Variants in DACH1 observed in about 807,000 individuals in gnomAD.
DACH1 encodes dachshund family transcription factor 1.
In DACH1, 12 loss-of-function variants were observed where a neutral mutation model predicts 54.2. The observed-to-expected ratio is 0.22, with a 90% CI of 0.14 to 0.36. The LOEUF (loss-of-function observed/expected upper bound fraction) is 0.36, where lower values mean the gene tolerates loss of function less well. DACH1 is among the 10% of genes least tolerant of loss of function. The pLI is 1.00. For synonymous variants in DACH1, 386 were observed against 366.2 expected (o/e 1.05, Z -0.62); for missense variants, 805 against 929.8 (o/e 0.87, Z 1.75).
rs1566180807 is a variant in DACH1 at position 71,866,508 on chromosome 13, T to C, written c.262A>G (p.Ser88Gly). The C allele has an allele frequency of 1.2e-5, 15 of 1,213,394 alleles. No individual in the cohort carries two copies. The highest frequency in any genetic ancestry group is 7.5e-5 in the South Asian group (2 of 26,582). The allele number at this position is 1,213,394 out of a possible 1,614,324, so 75.2% of individuals were successfully genotyped here. Reference protein sequence around the residue: ...GGGGSGGGGGSSGNGGGGGGG... With the variant: ...GGGGSGGGGGGSGNGGGGGGG... ...CCACCGCCGCCTCCGTTGCCGCTGC[T>C]GCCGCCGCCGCCTCCGCTGCCGCCG... The change falls in exon 1 of 11, where the codon AGC (serine) becomes GGC (glycine). Residue 88 changes from serine (S) to glycine (G), a missense_variant. Physicochemically the swap from Ser to Gly is moderately conservative, Grantham distance 56. Around this residue, in one of 3 missense-constraint regions of DACH1, gnomAD observed 305 missense variants for 308.7 expected, o/e 0.99. Transcript: ENST00000613252.
chr13:71,447,169 C>G (rs190225052), intron 10 of DACH1, among the ~76,000 whole-genome samples: 1 of 152,062 alleles, frequency 6.6e-6, no homozygotes, highest in African/African-American at 2.4e-5. Flanking sequence ...CTGTTTGTTA[C>G]TATGCAGATT....
In DACH1 at chr13:71,529,183, G is replaced by GTTTTTTTTTTGTTTGTTTTTTTTTTTTTT. The variant is rs1299574030; in HGVS notation, c.1570+27840_1570+27841insAAAAAAAAAAAAAACAAACAAAAAAAAAA. Among the ~76,000 whole-genome samples, 62 of 80,980 alleles carry GTTTTTTTTTTGTTTGTTTTTTTTTTTTTT rather than the reference G, an allele frequency of 7.7e-4. 2 individuals carry two copies. The highest frequency in any genetic ancestry group is 2.5e-3 in the African/African-American group (57 of 22,894). The allele number at this position is 80,980 out of a possible 152,430, so 53.1% of individuals were successfully genotyped here. A position where few individuals can be genotyped will look rare whatever the true frequency, so the allele number is the denominator to read the frequency against. On this transcript the variant is annotated intron_variant, in intron 6 of 10. Transcript: ENST00000613252. ...TACATCAAACAATATTGTGATTTGG[G>GTTTTTTTTTTGTTTGTTTTTTTTTTTTTT]TTTTTTTTTTTTTTTTTTTTTGAGG...
At chr13:71,583,758 C>G (rs1873025155) in intron 3 of DACH1, among the ~76,000 whole-genome samples, 1 of 152,056 alleles carries the variant, frequency 6.6e-6, no homozygotes. Flanking sequence ...TTGCTTGAGC[C>G]TGGGAGGCAG....
intron 6 of DACH1, 48 bp from the exon 7 acceptor site, chr13:71,489,196 T>C: frequency 6.3e-7 from 1 of 1,582,100 alleles, no homozygotes; most frequent in Non-Finnish European, 8.6e-7. Context: ...GCTTGTCTGT[T>C]TTTATTAGAC....
At chr13:71,792,610 T>C (rs1012699282) in intron 1 of DACH1, among the ~76,000 whole-genome samples, 1 of 152,210 alleles carries the variant, frequency 6.6e-6, no homozygotes, top group African/African-American at 2.4e-5. Flanking sequence ...GAGTTCAACC[T>C]GGTCAGATGT....
chr13:71,557,005 A>C lies in DACH1; in HGVS notation c.1570+19T>G. 1 of 1,582,016 alleles carries C rather than the reference A, an allele frequency of 6.3e-7. No individual in the cohort carries two copies. Among genetic ancestry groups the C allele is most frequent in the Non-Finnish European group, 8.6e-7 (1 of 1,167,008 alleles). Reference sequence around the variant, plus strand: ...TCTATTGAATCGGGAAAAACAAGGAATATATAATCATACATTACCTTTTTC... The same window carrying C: ...TCTATTGAATCGGGAAAAACAAGGACTATATAATCATACATTACCTTTTTC... On this transcript the variant is annotated intron_variant, in intron 6 of 10. Transcript: ENST00000613252.
intron 1 of DACH1, among the ~76,000 whole-genome samples, chr13:71,742,350 A>G (rs901944374): frequency 2.0e-5 from 3 of 152,156 alleles, no homozygotes; most frequent in African/African-American, 7.2e-5. Flanking sequence ...ATTTGTTACT[A>G]ATTTTCCTCA....
chr13:71,622,007 G>T (rs1046474190), intron 3 of DACH1, among the ~76,000 whole-genome samples: 3 of 151,840 alleles, frequency 2.0e-5, no homozygotes, highest in African/African-American at 4.8e-5. Context: ...AAATTATCTG[G>T]GTTCATTTAG....
chr13:71,630,348 T>G (rs956948263), intron 3 of DACH1, among the ~76,000 whole-genome samples: 2 of 152,282 alleles, frequency 1.3e-5, no homozygotes, highest in Non-Finnish European at 2.9e-5. Context: ...ATCCTATAAT[T>G]AAAAATAATG....
intron 6 of DACH1, among the ~76,000 whole-genome samples, chr13:71,537,295 C>T (rs1053166179): frequency 1.3e-5 from 2 of 152,088 alleles, no homozygotes. Context: ...CCCAGAGAAG[C>T]CTCTTGGTGC....
At chr13:71,629,432 T>C (rs1176777311) in intron 3 of DACH1, among the ~76,000 whole-genome samples, 1 of 152,144 alleles carries the variant, frequency 6.6e-6, no homozygotes, top group Non-Finnish European at 1.5e-5. Context: ...ATTTTTCCCC[T>C]TTTTACATTA....
chr13:71,606,553 T>A (rs1489087697), intron 3 of DACH1, among the ~76,000 whole-genome samples: 1 of 152,044 alleles, frequency 6.6e-6, no homozygotes, highest in African/African-American at 2.4e-5. Flanking sequence ...GAATTTATGT[T>A]GTGGAAAATT....
At chr13:71,700,469 T>C (rs758617967) in intron 1 of DACH1, among the ~76,000 whole-genome samples, 25 of 144,224 alleles carry the variant, frequency 1.7e-4, no homozygotes, top group Non-Finnish European at 3.1e-4. Context: ...GGCAGGAGAA[T>C]CACATGAACC....
intron 1 of DACH1, among the ~76,000 whole-genome samples, chr13:71,810,699 T>C (rs1300858992): frequency 6.6e-6 from 1 of 152,172 alleles, no homozygotes; most frequent in East Asian, 1.9e-4. Context: ...TAAAAGCTCA[T>C]ATAGCTTCAA....
chr13:71,803,233 G>A (rs1566510177), intron 1 of DACH1, among the ~76,000 whole-genome samples: 2 of 152,110 alleles, frequency 1.3e-5, no homozygotes, highest in Admixed American at 1.3e-4. Context: ...TGCTGAAGAT[G>A]TGTAAGATTC....
At chr13:71,841,773 C>T (rs933900452) in intron 1 of DACH1, among the ~76,000 whole-genome samples, 1 of 152,142 alleles carries the variant, frequency 6.6e-6, no homozygotes, top group South Asian at 2.1e-4. Flanking sequence ...GTCATTATGA[C>T]TTTTCTACTA....
chr13:71,860,221 T>TAC (rs141566720), intron 1 of DACH1, among the ~76,000 whole-genome samples: 2,787 of 148,904 alleles, frequency 0.019, 68 homozygotes, highest in African/African-American at 0.052. Context: ...CATACGTATG[T>TAC]ACACACACAC....
At chr13:71,702,081 C>T (rs1005555562) in intron 1 of DACH1, among the ~76,000 whole-genome samples, 2 of 151,878 alleles carry the variant, frequency 1.3e-5, no homozygotes, top group African/African-American at 4.8e-5. Flanking sequence ...ATGCAAAATC[C>T]ATGTTTTTCC....
At chr13:71,770,025 G>GTATAA (rs1566489395) in intron 1 of DACH1, among the ~76,000 whole-genome samples, 5 of 151,628 alleles carry the variant, frequency 3.3e-5, no homozygotes, top group Non-Finnish European at 7.4e-5. Flanking sequence ...GTCCTTCAGT[G>GTATAA]CATTAGAATA....
Sources: gnomAD v4.1 joint callset for allele counts (sites outside exome capture counted in the v4.1 genomes callset) on GRCh38, gnomAD v4.1.1 for gene constraint, gnomAD v4.1.1 regional missense constraint, MANE v1.5 for transcripts, NCBI Gene and HGNC (gene_info 2026-07-23, HGNC 2026-07-21) for gene names.